Variants in RABGAP1L observed in about 807,000 individuals in gnomAD.
The protein encoded by RABGAP1L is RAB GTPase activating protein 1 like.
Under a neutral mutation model 137.7 loss-of-function variants are expected in RABGAP1L, and 63 were observed. The ratio of observed to expected loss-of-function variants is 0.46; its 90% CI spans 0.37 to 0.56. The LOEUF is 0.56. RABGAP1L is among the 20% of genes least tolerant of loss of function. RABGAP1L has a pLI of 0.00. For missense variants in RABGAP1L, 1,095 were observed against 1,244.0 expected, an observed-to-expected ratio of 0.88 and a Z score of 1.80; for synonymous variants, 431 against 433.7, an observed-to-expected ratio of 0.99 and a Z score of 0.08.
rs76318126 is a variant in RABGAP1L, at chr1:174,433,677, A to G, written c.1710+39532A>G. Among the ~76,000 whole-genome samples the G allele has an allele frequency of 9.2e-3, 1,394 of 152,306 alleles. 23 individuals are homozygous for G. Among genetic ancestry groups the G allele is most frequent in the African/African-American group, 0.032 (1,336 of 41,560 alleles). ...GTCAGATATACTGATTGAGTGTGAAAGTATGTGCAGGCTGGATATACTTAC... is the reference window on the plus strand; with the variant it reads ...GTCAGATATACTGATTGAGTGTGAAGGTATGTGCAGGCTGGATATACTTAC... On this transcript the variant is annotated intron_variant, in intron 13 of 25. Coordinates refer to ENST00000681986, the MANE Select transcript of RABGAP1L (RefSeq NM_001366446.1).
intron 11 of RABGAP1L, among the ~76,000 whole-genome samples, chr1:174,354,855 A>T (rs1314734691): frequency 6.6e-6 from 1 of 152,194 alleles, no homozygotes; most frequent in African/African-American, 2.4e-5. Context: ...TAAGGAAGGG[A>T]TCCAGTTTCA....
chr1:174,712,298 C>T (rs1294072840), intron 17 of RABGAP1L, among the ~76,000 whole-genome samples: 1 of 152,182 alleles, frequency 6.6e-6, no homozygotes, highest in African/African-American at 2.4e-5. Flanking sequence ...TGTTGCTGCT[C>T]AGTCTTTGGG....
intron 19 of RABGAP1L, chr1:174,874,648 G>T: frequency 2.9e-6 from 1 of 340,020 alleles, no homozygotes; most frequent in Non-Finnish European, 4.1e-6. Context: ...CAGACACTCA[G>T]GTGTAAACAA....
chr1:174,477,217 T>C (rs1040152696), intron 13 of RABGAP1L, among the ~76,000 whole-genome samples: 8 of 152,216 alleles, frequency 5.3e-5, no homozygotes, highest in Admixed American at 2.6e-4. Context: ...CCTTAGCTAA[T>C]CTATATGTTT....
intron 11 of RABGAP1L, among the ~76,000 whole-genome samples, chr1:174,370,030 T>A (rs28663246): frequency 1.3e-5 from 2 of 152,242 alleles, no homozygotes; most frequent in Admixed American, 1.3e-4. Context: ...TGCATATACT[T>A]GGATCATTGG....
intron 18 of RABGAP1L, among the ~76,000 whole-genome samples, chr1:174,779,778 T>G (rs1428846616): frequency 6.6e-6 from 1 of 152,178 alleles, no homozygotes; most frequent in Non-Finnish European, 1.5e-5. Flanking sequence ...CTGAACTCCT[T>G]TCTTTTGAAT....
chr1:174,601,945 A>G (rs961403148), intron 13 of RABGAP1L, among the ~76,000 whole-genome samples: 1 of 152,014 alleles, frequency 6.6e-6, no homozygotes, highest in African/African-American at 2.4e-5. Flanking sequence ...CCTCATCTCT[A>G]CCTGAGACCA....
intron 11 of RABGAP1L, among the ~76,000 whole-genome samples, chr1:174,366,843 C>A (rs1183737757): frequency 6.9e-6 from 1 of 143,926 alleles, no homozygotes; most frequent in Admixed American, 7.1e-5. Flanking sequence ...CTGCCATTTT[C>A]TTCTGCTCAA....
intron 17 of RABGAP1L, among the ~76,000 whole-genome samples, chr1:174,735,612 C>CAAAAAAAAAAAAAAAAA (rs59281177): frequency 4.3e-5 from 2 of 46,134 alleles, no homozygotes; most frequent in Non-Finnish European, 7.7e-5. Context: ...AACTCCATCT[C>CAAAAAAAAAAAAAAAAA]AAAAAAAAAA....
chr1:174,189,244 A>C (rs1406582271), intron 1 of RABGAP1L, among the ~76,000 whole-genome samples: 1 of 152,134 alleles, frequency 6.6e-6, no homozygotes, highest in African/African-American at 2.4e-5. Context: ...TGACTTTGTG[A>C]TCCACCCACC....
At chr1:174,783,090 A>G in intron 18 of RABGAP1L, among the ~76,000 whole-genome samples, 1 of 151,706 alleles carries the variant, frequency 6.6e-6, no homozygotes, top group East Asian at 1.9e-4. Flanking sequence ...GCTGAATGCT[A>G]CCATCGCAGA....
At chr1:174,322,574 AG>A (rs1399435394) in intron 11 of RABGAP1L, among the ~76,000 whole-genome samples, 8 of 152,158 alleles carry the variant, frequency 5.3e-5, no homozygotes, top group African/African-American at 1.9e-4. Flanking sequence ...TTTGCCAGAG[AG>A]AGCAACCCAA....
chr1:174,265,669 GT>G (rs1000268216), intron 7 of RABGAP1L, among the ~76,000 whole-genome samples: 8 of 151,752 alleles, frequency 5.3e-5, no homozygotes, highest in African/African-American at 1.9e-4. Flanking sequence ...GGTATGGAGG[GT>G]TTTTTTGTTT....
intron 17 of RABGAP1L, among the ~76,000 whole-genome samples, chr1:174,738,668 A>G (rs1683151215): frequency 6.6e-6 from 1 of 152,156 alleles, no homozygotes; most frequent in South Asian, 2.1e-4. Flanking sequence ...ACACTTAACT[A>G]AGCTAGTTGG....
At chr1:174,284,678 A>C (rs913554978) in intron 10 of RABGAP1L, among the ~76,000 whole-genome samples, 9 of 144,726 alleles carry the variant, frequency 6.2e-5, no homozygotes, top group Non-Finnish European at 9.0e-5. Context: ...ACCAGTTTAC[A>C]TTCCTACCAT....
At chr1:174,804,452 G>A (rs1038815830) in intron 18 of RABGAP1L, among the ~76,000 whole-genome samples, 3 of 151,756 alleles carry the variant, frequency 2.0e-5, no homozygotes, top group East Asian at 3.9e-4. Flanking sequence ...TGTATTTTTT[G>A]TAGAACTGAG....
intron 13 of RABGAP1L, among the ~76,000 whole-genome samples, chr1:174,552,173 A>T (rs1252213405): frequency 6.6e-6 from 1 of 152,156 alleles, no homozygotes; most frequent in Non-Finnish European, 1.5e-5. Flanking sequence ...GTGATAAATG[A>T]TTTTTTAATT....
chr1:174,538,818 A>G (rs964556399), intron 13 of RABGAP1L, among the ~76,000 whole-genome samples: 1 of 152,204 alleles, frequency 6.6e-6, no homozygotes, highest in Admixed American at 6.5e-5. Context: ...GTAATACCAC[A>G]TAGGTATACA....
chr1:174,223,939 T>A (rs951007912), intron 3 of RABGAP1L, among the ~76,000 whole-genome samples: 9 of 152,166 alleles, frequency 5.9e-5, no homozygotes, highest in Non-Finnish European at 4.4e-5. Context: ...CAGAATTCGC[T>A]TCACATACCA....
Sources: gnomAD v4.1 joint callset for allele counts (sites outside exome capture counted in the v4.1 genomes callset) on GRCh38, gnomAD v4.1.1 for gene constraint, MANE v1.5 for transcripts, NCBI Gene and HGNC (gene_info 2026-07-23, HGNC 2026-07-21) for gene names.